Variants in PBX4 observed in about 807,000 individuals in gnomAD.
The protein encoded by PBX4 is PBX homeobox 4, also known as pre-B-cell leukemia transcription factor 4.
In PBX4, 26 loss-of-function variants were observed where a neutral mutation model predicts 35.1. The ratio of observed to expected loss-of-function variants is 0.74; its 90% CI spans 0.54 to 1.03. PBX4 has a LOEUF of 1.03. Ranked by LOEUF, PBX4 falls within the 50% of genes least tolerant of loss-of-function variation. The probability of loss-of-function intolerance (pLI) is 0.00; values close to 1 mark genes in which losing one functional copy is unlikely to be tolerated. For missense variants in PBX4, 448 were observed against 504.3 expected (o/e 0.89, Z 1.07); for synonymous variants, 199 against 204.2 (o/e 0.97, Z 0.22).
chr19:19,591,662 C>T (rs1175970863), intron 2 of PBX4, among the ~76,000 whole-genome samples: 4 of 152,234 alleles, frequency 2.6e-5, no homozygotes, highest in East Asian at 1.9e-4. Context: ...CTCAGCACAC[C>T]GCCTCGGAGC....
chr19:19,591,058 G>A (rs2061525143), intron 2 of PBX4, among the ~76,000 whole-genome samples: 1 of 152,072 alleles, frequency 6.6e-6, no homozygotes, highest in African/African-American at 2.4e-5. Flanking sequence ...GAGACTCAGG[G>A]GCTCAATTTG....
intron 5 of PBX4, among the ~76,000 whole-genome samples, chr19:19,566,271 T>C (rs1446148568): frequency 2.0e-5 from 3 of 152,182 alleles, no homozygotes; most frequent in Non-Finnish European, 2.9e-5. Flanking sequence ...GGGGCTGTCC[T>C]GTACACTGCA....
intron 1 of PBX4, among the ~76,000 whole-genome samples, chr19:19,614,494 G>T (rs1233259042): frequency 6.6e-6 from 1 of 151,614 alleles, no homozygotes; most frequent in Non-Finnish European, 1.5e-5. Flanking sequence ...AACTAGCCAG[G>T]TGTGGTGGTG....
At chr19:19,616,985 G>A (rs1182050706) in intron 1 of PBX4, among the ~76,000 whole-genome samples, 2 of 151,796 alleles carry the variant, frequency 1.3e-5, no homozygotes, top group East Asian at 1.9e-4. Context: ...CCTGGCCCCA[G>A]CCTTCCTTTA....
chr19:19,603,692 C>T (rs1365136096), intron 1 of PBX4, among the ~76,000 whole-genome samples: 1 of 152,180 alleles, frequency 6.6e-6, no homozygotes, highest in Non-Finnish European at 1.5e-5. Context: ...CGCAGTGGCT[C>T]ACGCCTGTAA....
At chr19:19,570,466 A>G in intron 3 of PBX4, 120 bp downstream of exon 3, 1 of 1,494,690 alleles carries the variant, frequency 6.7e-7, no homozygotes, top group Non-Finnish European at 9.1e-7. Flanking sequence ...CCACCTCTGC[A>G]GCGACCAACT....
chr19:19,604,440 C>T (rs201220689), intron 1 of PBX4, among the ~76,000 whole-genome samples: 3 of 116,478 alleles, frequency 2.6e-5, no homozygotes, highest in East Asian at 5.8e-4. Context: ...GCACTCCCGT[C>T]TGGGCAACAG....
rs896077777 is a variant in PBX4, at chr19:19,618,661, T to G, written c.-32A>C. 1 of 1,196,814 alleles carries G rather than the reference T, an allele frequency of 8.4e-7. No individual in the cohort carries two copies. Among genetic ancestry groups the G allele is most frequent in the Non-Finnish European group, 1.0e-6 (1 of 965,622 alleles). 74.1% of individuals were successfully genotyped at this position (1,196,814 alleles called of 1,614,324 possible). ...CAGGGCCGGGCGGGCGCTGTGAGGG[T>G]GCCGTCGAGCCTGGAGCACTACCAC... is the stretch of plus-strand genomic sequence containing the variant. On this transcript the variant is annotated 5_prime_UTR_variant, in exon 1 of 8. Transcript: ENST00000251203.
chr19:19,581,464 G>A (rs1010025661), intron 2 of PBX4, among the ~76,000 whole-genome samples: 2 of 152,196 alleles, frequency 1.3e-5, no homozygotes, highest in South Asian at 2.1e-4. Context: ...TTCCTCGCAC[G>A]CATCTGTAGG....
chr19:19,573,219 C>T (rs1016969264), intron 2 of PBX4, among the ~76,000 whole-genome samples: 9 of 150,688 alleles, frequency 6.0e-5, no homozygotes, highest in South Asian at 4.2e-4. Context: ...GCAGGAGAAT[C>T]GCTTGAATCC....
At chr19:19,599,146 T>C in intron 2 of PBX4, 146 bp downstream of exon 2, 1 of 617,626 alleles carries the variant, frequency 1.6e-6, no homozygotes, top group South Asian at 1.7e-5. Context: ...TTTTTGTATT[T>C]TTAATAGAGA....
intron 2 of PBX4, among the ~76,000 whole-genome samples, chr19:19,598,032 G>A (rs1347903871): frequency 6.6e-6 from 1 of 152,134 alleles, no homozygotes; most frequent in African/African-American, 2.4e-5. Flanking sequence ...ATTCATGGAT[G>A]ACAAGGTCAC....
intron 1 of PBX4, among the ~76,000 whole-genome samples, chr19:19,599,972 C>CAAA (rs1284339416): frequency 1.4e-5 from 1 of 69,264 alleles, no homozygotes; most frequent in Admixed American, 1.6e-4. Context: ...GACTCCATCT[C>CAAA]AAAAAAAAAA....
At chr19:19,572,810 C>T (rs1421184992) in intron 2 of PBX4, among the ~76,000 whole-genome samples, 3 of 144,536 alleles carry the variant, frequency 2.1e-5, no homozygotes, top group East Asian at 2.1e-4. Flanking sequence ...GCCGAGATCA[C>T]GCCATTGCAC....
rs769381097 is a variant in PBX4 at position 19,570,719 on chromosome 19, C to A, written c.308G>T (p.Gly103Val). The A allele has an allele frequency of 6.2e-7, 1 of 1,614,164 alleles. No individual in the cohort carries two copies. The highest frequency in any genetic ancestry group is 2.2e-5 in the East Asian group (1 of 44,880). ...VCRPEKRGRG[G>V]AVARAGTATP... ...TGCTGTGCCGGCCCTGGCCACCGCT[C>A]CTCCTCTTCCTCTCTTCTCGGGCCT... The change falls in exon 3 of 8, where the codon GGA (glycine) becomes GTA (valine). Residue 103 changes from glycine to valine, a missense_variant. Gly to Val is a moderately radical substitution (Grantham distance 109). Transcript: ENST00000251203.
intron 2 of PBX4, among the ~76,000 whole-genome samples, chr19:19,588,703 T>C (rs1458207304): frequency 6.6e-6 from 1 of 152,166 alleles, no homozygotes; most frequent in African/African-American, 2.4e-5. Context: ...TGGCTGAGTC[T>C]CACACAGGGA....
At chr19:19,564,897 G>A in intron 6 of PBX4, 36 bp downstream of exon 6, 1 of 1,613,768 alleles carries the variant, frequency 6.2e-7, no homozygotes, top group African/African-American at 1.3e-5. Context: ...CGTCCACATG[G>A]GTACAGATGA....
chr19:19,600,203 T>G (rs1026580351), intron 1 of PBX4, among the ~76,000 whole-genome samples: 1 of 151,976 alleles, frequency 6.6e-6, no homozygotes, highest in African/African-American at 2.4e-5. Context: ...TCCCACTATA[T>G]GCAAAAGTTT....
intron 2 of PBX4, among the ~76,000 whole-genome samples, chr19:19,584,256 C>T (rs902279908): frequency 4.6e-5 from 7 of 152,096 alleles, no homozygotes; most frequent in Non-Finnish European, 8.8e-5. Context: ...AAAAAACCCA[C>T]AGGCAAATCA....
Sources: allele counts gnomAD v4.1 joint callset (sites outside exome capture counted in the v4.1 genomes callset), GRCh38; gene constraint gnomAD v4.1.1; transcripts MANE v1.5; gene names NCBI Gene and HGNC (gene_info 2026-07-23, HGNC 2026-07-21).